Variants in CCDC191 observed in about 807,000 individuals in gnomAD.
CCDC191 encodes coiled-coil domain containing 191.
Under a neutral mutation model 114.0 loss-of-function variants are expected in CCDC191, and 99 were observed. That is an observed-to-expected ratio of 0.87 (90% CI 0.74 to 1.03). The LOEUF (loss-of-function observed/expected upper bound fraction) is 1.03. Among genes scored for constraint, CCDC191 ranks in the 50% least tolerant of loss-of-function variants. The pLI, the probability that CCDC191 is intolerant of heterozygous loss-of-function variation, is 0.00. For synonymous variants in CCDC191, 351 were observed against 376.0 expected (o/e 0.93, Z 0.77); for missense variants, 973 against 1,087.0 (o/e 0.90, Z 1.47).
rs149640120 is a variant in CCDC191, at chr3:114,022,639, T to A, written c.973-3771A>T. Among the ~76,000 whole-genome samples the A allele has an allele frequency of 4.7e-3, 716 of 152,256 alleles. 7 individuals are homozygous for A. Among genetic ancestry groups the A allele is most frequent in the African/African-American group, 0.016 (678 of 41,558 alleles). On this transcript the variant is annotated intron_variant, in intron 7 of 16. Coordinates refer to ENST00000295878, the MANE Select transcript of CCDC191 (RefSeq NM_020817.2). ...CCCAGGCCCCTAAGTGACTCCTTGC[T>A]GTTCTCAGGCCAAAAGAAGAGAAAC...
At chr3:114,034,824 T>A (rs1015527656) in intron 6 of CCDC191, 101 bp downstream of exon 6, 1 of 915,954 alleles carries the variant, frequency 1.1e-6, no homozygotes, top group Non-Finnish European at 1.7e-6. Flanking sequence ...TTCTCTTCTA[T>A]GTTTTGTTAT....
At chr3:114,055,961 G>C (rs1009819708) in intron 1 of CCDC191, among the ~76,000 whole-genome samples, 1 of 151,090 alleles carries the variant, frequency 6.6e-6, no homozygotes, top group Non-Finnish European at 1.5e-5. Flanking sequence ...TATAGGCAGG[G>C]TATTTAATGT....
intron 2 of CCDC191, among the ~76,000 whole-genome samples, chr3:114,052,032 A>C (rs2076704667): frequency 6.6e-6 from 1 of 152,236 alleles, no homozygotes; most frequent in Non-Finnish European, 1.5e-5. Context: ...GAATGGTAAG[A>C]AATTAGGACG....
chr3:114,038,697 C>T (rs566137128), intron 4 of CCDC191, among the ~76,000 whole-genome samples: 2 of 152,260 alleles, frequency 1.3e-5, no homozygotes, highest in South Asian at 4.1e-4. Context: ...GAATACTATG[C>T]AGCCATAAAA....
chr3:114,017,530 A>T (rs578030591), intron 8 of CCDC191, among the ~76,000 whole-genome samples: 18 of 152,364 alleles, frequency 1.2e-4, no homozygotes, highest in African/African-American at 3.8e-4. Context: ...ACAGGATTGC[A>T]CAACTTTAAG....
At chr3:114,017,995 T>C (rs537515585) in intron 8 of CCDC191, among the ~76,000 whole-genome samples, 1 of 152,268 alleles carries the variant, frequency 6.6e-6, no homozygotes, top group South Asian at 2.1e-4. Context: ...AAAGCCTCAT[T>C]TGAAGGCAGA....
At chr3:113,968,766 T>G (rs1444610463) in intron 16 of CCDC191, among the ~76,000 whole-genome samples, 1 of 152,066 alleles carries the variant, frequency 6.6e-6, no homozygotes, top group African/African-American at 2.4e-5. Flanking sequence ...GACTTGCCCA[T>G]TTTTAAATTG....
intron 8 of CCDC191, among the ~76,000 whole-genome samples, chr3:114,013,219 C>T (rs541922599): frequency 6.6e-6 from 1 of 151,562 alleles, no homozygotes; most frequent in African/African-American, 2.4e-5. Context: ...GCACTCCAGC[C>T]TGGGCAACAG....
chr3:114,036,592 T>C lies in CCDC191; in HGVS notation c.594+16A>G. On this transcript the variant is annotated intron_variant, in intron 5 of 16. Coordinates refer to ENST00000295878, the MANE Select transcript of CCDC191 (RefSeq NM_020817.2). ...TGCTTCCTGTTATCCATTTTAATTT[T>C]GTTTTTCCCTCCCACCTGCTTATGT... is the stretch of plus-strand genomic sequence containing the variant. 6.4e-7 allele frequency: 1 copy of C among 1,558,372 alleles called. No individual in the cohort carries two copies. The highest frequency in any genetic ancestry group is 1.9e-5 in the Admixed American group (1 of 53,024).
chr3:114,001,477 G>A (rs1411336593), intron 13 of CCDC191, 118 bp downstream of exon 13: 1 of 1,344,038 alleles, frequency 7.4e-7, no homozygotes, highest in East Asian at 2.4e-5. Context: ...GAAAAGAAGT[G>A]AGGGTGAGAG....
In CCDC191 at chr3:114,027,018, TAA is replaced by T. The variant is rs554258687; in HGVS notation, c.972+4606_972+4607del. Among the ~76,000 whole-genome samples, 5 of 152,330 alleles carry T rather than the reference TAA, an allele frequency of 3.3e-5. No homozygotes were observed. In the South Asian group the frequency reaches 1.0e-3, roughly 32 times the overall value. ...GAAGAAGGCCATTTTCCAAATAGTATAAGAGTTTTATAGTTAATCCTTTGTTG... is the reference window on the plus strand; with the variant it reads ...GAAGAAGGCCATTTTCCAAATAGTATGAGTTTTATAGTTAATCCTTTGTTG... On this transcript the variant is annotated intron_variant, in intron 7 of 16. Transcript: ENST00000295878.
chr3:114,028,275 ATTTTTTT>A lies in CCDC191; in HGVS notation c.972+3344_972+3350del, dbSNP rs920211150. Reference sequence around the variant, plus strand: ...GTGGTATGGGTTAGCAATTCTAAAAATTTTTTTTTTTTTTTTTTTTTTTTTATCGAGA... The same window carrying A: ...GTGGTATGGGTTAGCAATTCTAAAAATTTTTTTTTTTTTTTTTTATCGAGA... On this transcript the variant is annotated intron_variant, in intron 7 of 16. Transcript: ENST00000295878. Among the ~76,000 whole-genome samples the A allele has an allele frequency of 1.9e-3, 237 of 126,872 alleles. 2 individuals are homozygous for A. The East Asian group carries it at 0.021, about 11-fold the overall frequency. 83.2% of individuals were successfully genotyped at this position (126,872 alleles called of 152,430 possible). A position where few individuals can be genotyped will look rare whatever the true frequency, so the allele number is the denominator to read the frequency against.
rs1234305279 is a variant in CCDC191, at chr3:114,001,706, AT to A, written c.2062-11del. 2 of 1,613,172 alleles carry A rather than the reference AT, an allele frequency of 1.2e-6. No individual in the cohort carries two copies. Among genetic ancestry groups the A allele is most frequent in the South Asian group, 2.2e-5 (2 of 90,978 alleles). ...GGGCCTTTAACTGGGCCTGATTGAG[AT>A]TAGAACCCAGAAATATCAGAACCCT... On this transcript the variant is annotated splice_polypyrimidine_tract_variant and intron_variant, in intron 12 of 16. Transcript: ENST00000295878.
At chr3:113,971,071 G>GTA (rs1280511772) in intron 16 of CCDC191, among the ~76,000 whole-genome samples, 2 of 152,164 alleles carry the variant, frequency 1.3e-5, no homozygotes, top group East Asian at 3.8e-4. Flanking sequence ...AATCCTTTGG[G>GTA]TATATACCCA....
rs1471842459 is a variant in CCDC191, at chr3:113,980,884, AC to A, written c.2164-92del. On this transcript the variant is annotated intron_variant, in intron 13 of 16. Coordinates refer to ENST00000295878, the MANE Select transcript of CCDC191 (RefSeq NM_020817.2). ...CTAATGAATTTAATTTGAACATGTAACCATTGAATGGTGTGTTAATCATGAT... is the reference window on the plus strand; with the variant it reads ...CTAATGAATTTAATTTGAACATGTAACATTGAATGGTGTGTTAATCATGAT... 3 of 1,166,498 alleles carry A rather than the reference AC, an allele frequency of 2.6e-6. No homozygotes were observed. The Admixed American group carries it at 6.7e-5, about 26-fold the overall frequency. 72.3% of individuals were successfully genotyped at this position (1,166,498 alleles called of 1,614,324 possible).
At chr3:114,032,318 A>G (rs562114005) in intron 6 of CCDC191, among the ~76,000 whole-genome samples, 1 of 152,330 alleles carries the variant, frequency 6.6e-6, no homozygotes, top group African/African-American at 2.4e-5. Context: ...ACTTTAGGCA[A>G]GTAACCAGAA....
At chr3:114,001,297 A>C (rs1047240023) in intron 13 of CCDC191, among the ~76,000 whole-genome samples, 1 of 152,186 alleles carries the variant, frequency 6.6e-6, no homozygotes, top group African/African-American at 2.4e-5. Flanking sequence ...CACAATGATA[A>C]CTGTCAATAA....
chr3:113,973,595 G>GT (rs1397166040), intron 16 of CCDC191, among the ~76,000 whole-genome samples: 6 of 130,950 alleles, frequency 4.6e-5, no homozygotes, highest in African/African-American at 1.5e-4. Context: ...TTGGATGGCA[G>GT]GTTTTTTTTT....
intron 7 of CCDC191, among the ~76,000 whole-genome samples, chr3:114,021,350 A>G (rs2076240795): frequency 6.6e-6 from 1 of 152,150 alleles, no homozygotes; most frequent in South Asian, 2.1e-4. Flanking sequence ...CACAGAAGCT[A>G]ACAAGAGCAA....
Sources: allele counts gnomAD v4.1 joint callset (sites outside exome capture counted in the v4.1 genomes callset), GRCh38; gene constraint gnomAD v4.1.1; transcripts MANE v1.5; gene names NCBI Gene and HGNC (gene_info 2026-07-23, HGNC 2026-07-21).